POGLUT2: variants seen among roughly 807,000 people sequenced by gnomAD.
POGLUT2 encodes protein O-glucosyltransferase 2, also known as ER protein 58.
POGLUT2 carries 47 observed loss-of-function variants against 57.6 expected under a neutral mutation model. The observed-to-expected ratio is 0.82, with a 90% CI of 0.65 to 1.04. POGLUT2 has a LOEUF of 1.04. Among genes scored for constraint, POGLUT2 ranks in the 50% least tolerant of loss-of-function variants. The pLI, the probability that POGLUT2 is intolerant of heterozygous loss-of-function variation, is 0.00. For synonymous variants in POGLUT2, 200 were observed against 218.8 expected, an observed-to-expected ratio of 0.91 and a Z score of 0.76; for missense variants, 565 against 614.8, an observed-to-expected ratio of 0.92 and a Z score of 0.86.
intron 8 of POGLUT2, among the ~76,000 whole-genome samples, chr13:102,786,935 G>A (rs1039559703): frequency 6.6e-6 from 1 of 152,082 alleles, no homozygotes; most frequent in Non-Finnish European, 1.5e-5. Flanking sequence ...CTGTAGCAGA[G>A]CCTCAGATAT....
chr13:102,786,120 C>T (rs1165738720), intron 9 of POGLUT2, 112 bp downstream of exon 9: 12 of 710,024 alleles, frequency 1.7e-5, no homozygotes, highest in Non-Finnish European at 3.0e-5. Context: ...TTGGAGACCT[C>T]GAGAGGAACT....
At position 102,798,774 on chromosome 13, in the gene POGLUT2, A is replaced by C. The variant is rs925715098; in HGVS notation, c.-104T>G. ...CAGGGACCCGCCGGCCGATCGCAGC[A>C]GCCAACGCGACTGCAAAGGTTGCCG... On this transcript the variant is annotated 5_prime_UTR_variant, in exon 1 of 10. Transcript: ENST00000376004. 2.5e-6 allele frequency: 3 copies of C among 1,223,552 alleles called. No homozygotes were observed. The Admixed American group carries it at 8.6e-5, about 35-fold the overall frequency. The allele number at this position is 1,223,552 out of a possible 1,614,324, so 75.8% of individuals were successfully genotyped here.
intron 2 of POGLUT2, 113 bp downstream of exon 2, chr13:102,796,691 A>AT: frequency 2.0e-5 from 3 of 149,776 alleles, no homozygotes; most frequent in Non-Finnish European, 3.5e-5. Context: ...AGTAAAAAAA[A>AT]AAAAAAAAAT....
intron 2 of POGLUT2, among the ~76,000 whole-genome samples, chr13:102,794,813 G>A (rs1878310551): frequency 6.6e-6 from 1 of 152,048 alleles, no homozygotes; most frequent in Admixed American, 6.5e-5. Flanking sequence ...AAAGACAAAA[G>A]TGATATGATT....
In POGLUT2 at chr13:102,789,144, C is replaced by T. The variant is rs1878071057; in HGVS notation, c.1161G>A (p.Val387=). The T allele has an allele frequency of 1.2e-6, 2 of 1,614,068 alleles. No individual in the cohort carries two copies. Among genetic ancestry groups the T allele is most frequent in the Admixed American group, 1.7e-5 (1 of 60,002 alleles). Residue 387 remains valine (V), a synonymous_variant, in exon 7 of 10, where the codon GTG becomes GTA. Transcript: ENST00000376004. ...LPYLLVGDSV[V]LKQDSIYYEH... is the part of the protein sequence containing the mutation. Reference sequence around the variant, plus strand: ...CATAGTAGATGGAATCCTGCTTCAGCACAACACTGTCACCAACTAGCAAAT... The same window carrying T: ...CATAGTAGATGGAATCCTGCTTCAGTACAACACTGTCACCAACTAGCAAAT...
chr13:102,791,307 C>G lies in POGLUT2; in HGVS notation c.796G>C (p.Val266Leu). Residue 266 changes from valine to leucine, a missense_variant, in exon 5 of 10, where the codon GTG becomes CTG. Coordinates refer to ENST00000376004, the MANE Select transcript of POGLUT2 (RefSeq NM_024089.3). ...TCAGTCAAATCGTACGTAGGCATCA[C>G]GATATCCTTGGAATCTGTGGAGCCA... ...WCGSTDSKDI[V>L]MPTYDLTDSV... 6.2e-7 allele frequency: 1 copy of G among 1,610,320 alleles called. No individual in the cohort carries two copies. Among genetic ancestry groups the G allele is most frequent in the South Asian group, 1.1e-5 (1 of 90,202 alleles).
rs758912617 is a variant in POGLUT2, at chr13:102,798,510, G to T, written c.161C>A (p.Ala54Glu). 1 of 1,611,044 alleles carries T rather than the reference G, an allele frequency of 6.2e-7. No homozygotes were observed. Among genetic ancestry groups the T allele is most frequent in the Admixed American group, 1.7e-5 (1 of 59,680 alleles). ...VLPARYFYIQ[A>E]VDTSGNKFTS... ...TTACTTATTCCCTGATGTATCCACTGCCTGAATATAGAAATAGCGGGCGGG... is the reference window on the plus strand; with the variant it reads ...TTACTTATTCCCTGATGTATCCACTTCCTGAATATAGAAATAGCGGGCGGG... Residue 54 changes from alanine to glutamate, a missense_variant, in exon 1 of 10, where the codon GCA becomes GAA. Transcript: ENST00000376004.
Position 102,791,378 on chromosome 13 carries a change from T to C in POGLUT2, c.725A>G (p.Glu242Gly), listed in dbSNP as rs748272179. The C allele has an allele frequency of 3.1e-6, 5 of 1,611,288 alleles. No individual in the cohort carries two copies. In the East Asian group the frequency reaches 8.9e-5, roughly 29 times the overall value. The change falls in exon 5 of 10, where the codon GAA becomes GGA. Residue 242 changes from glutamate (E) to glycine (G), a missense_variant. Coordinates refer to ENST00000376004, the MANE Select transcript of POGLUT2 (RefSeq NM_024089.3). ...LFVNLGDWPL[E>G]KKKSNSNIHP... ...GATGTTTGAATTGGATTTCTTTTTT[T>C]CCAAAGGCCAGTCTCCCAAATTAAC... is the stretch of plus-strand genomic sequence containing the variant.
chr13:102,796,309 A>AAATAAATAAAT (rs1555319539), intron 2 of POGLUT2, among the ~76,000 whole-genome samples: 6 of 126,008 alleles, frequency 4.8e-5, no homozygotes, highest in East Asian at 2.4e-4. Context: ...AAAAAAAAAA[A>AAATAAATAAAT]AAATAAATAA....
intron 1 of POGLUT2, among the ~76,000 whole-genome samples, chr13:102,797,385 C>A (rs138201481): frequency 4.6e-5 from 7 of 152,256 alleles, no homozygotes; most frequent in African/African-American, 1.7e-4. Flanking sequence ...AGATAATGAT[C>A]TTATTTTGAA....
At position 102,796,936 on chromosome 13, in the gene POGLUT2, C is replaced by T. The variant is rs1486359015; in HGVS notation, c.256G>A (p.Gly86Arg). 6.2e-7 allele frequency: 1 copy of T among 1,613,602 alleles called. No homozygotes were observed. Among genetic ancestry groups the T allele is most frequent in the East Asian group, 2.2e-5 (1 of 44,866 alleles). ...TCTTTTCGGTCTAAAACCTGGACTC[C>T]AACTCTAGTGAATTGCTCCTCTGGT... is the stretch of plus-strand genomic sequence containing the variant. ...SAPEEQFTRV[G>R]VQVLDRKDGS... The change falls in exon 2 of 10, where the codon GGA (glycine) becomes AGA (arginine). Residue 86 changes from glycine to arginine, a missense_variant. By Grantham distance (125) the Gly-to-Arg change is moderately radical. Transcript: ENST00000376004.
In POGLUT2 at chr13:102,798,679, C is replaced by G; in HGVS notation, c.-9G>C. On this transcript the variant is annotated 5_prime_UTR_variant, in exon 1 of 10. Transcript: ENST00000376004. ...AGCAAAGTGCCAAACATTTACAAGACGGACTCTCGAAATGATCCACCGATA... is the reference window on the plus strand; with the variant it reads ...AGCAAAGTGCCAAACATTTACAAGAGGGACTCTCGAAATGATCCACCGATA... 6.3e-7 allele frequency: 1 copy of G among 1,576,274 alleles called. No individual in the cohort carries two copies. Among genetic ancestry groups the G allele is most frequent in the Non-Finnish European group, 8.6e-7 (1 of 1,158,958 alleles).
chr13:102,791,082 T>C lies in POGLUT2; in HGVS notation c.902A>G (p.Lys301Arg), dbSNP rs1595308917. 6.2e-7 allele frequency: 1 copy of C among 1,614,222 alleles called. No homozygotes were observed. Among genetic ancestry groups the C allele is most frequent in the African/African-American group, 1.3e-5 (1 of 75,056 alleles). The change falls in exon 6 of 10, where the codon AAA becomes AGA. Residue 301 changes from lysine to arginine, a missense_variant. Transcript: ENST00000376004. ...QANTGPPWES[K>R]NSTAVWRGRD... is the part of the protein sequence containing the mutation. ...CCCTCTCCAGACGGCAGTGGAATTT[T>C]TGCTTTCCCAGGGAGGACCCGTGTT...
chr13:102,787,873 C>A lies in POGLUT2; in HGVS notation c.1344G>T (p.Met448Ile). The A allele has an allele frequency of 1.3e-6, 2 of 1,594,876 alleles. No individual in the cohort carries two copies. The highest frequency in any genetic ancestry group is 1.7e-6 in the Non-Finnish European group (2 of 1,166,920). ...AGQEFARNNL[M>I]GDDIFCYYFK... ...AATAATAACAGAATATGTCATCGCC[C>A]ATGAGATTATTTCTTGCAAATTCTT... The change falls in exon 8 of 10, where the codon ATG becomes ATT. Residue 448 changes from methionine (M) to isoleucine (I), a missense_variant. Transcript: ENST00000376004.
In POGLUT2 at chr13:102,791,387, C is replaced by A. The variant is rs777882532; in HGVS notation, c.716G>T (p.Trp239Leu). The A allele has an allele frequency of 1.9e-6, 3 of 1,608,874 alleles. No homozygotes were observed. Among genetic ancestry groups the A allele is most frequent in the Non-Finnish European group, 2.5e-6 (3 of 1,178,780 alleles). Reference sequence around the variant, plus strand: ...ATTGGATTTCTTTTTTTCCAAAGGCCAGTCTCCCAAATTAACAAAGAGCTC... The same window carrying A: ...ATTGGATTTCTTTTTTTCCAAAGGCAAGTCTCCCAAATTAACAAAGAGCTC... ...DVELFVNLGD[W>L]PLEKKKSNSN... is the part of the protein sequence containing the mutation. Residue 239 changes from tryptophan (W) to leucine (L), a missense_variant, in exon 5 of 10, where the codon TGG becomes TTG. By Grantham distance (61) the Trp-to-Leu change is moderately conservative (BLOSUM62 -2). Transcript: ENST00000376004.
intron 8 of POGLUT2, among the ~76,000 whole-genome samples, chr13:102,787,466 CAAGA>C (rs1233996027): frequency 6.6e-6 from 1 of 152,182 alleles, no homozygotes; most frequent in Admixed American, 6.5e-5. Flanking sequence ...AGAGTCAAGA[CAAGA>C]GGCCCAAACA....
At chr13:102,784,879 C>T (rs533161105) in intron 9 of POGLUT2, among the ~76,000 whole-genome samples, 2 of 152,144 alleles carry the variant, frequency 1.3e-5, no homozygotes, top group Admixed American at 6.5e-5. Context: ...CTCTCAATCA[C>T]GTAGATGAAG....
In POGLUT2 at chr13:102,791,064, C is replaced by A; in HGVS notation, c.920G>T (p.Trp307Leu). Residue 307 changes from tryptophan (W) to leucine (L), a missense_variant, in exon 6 of 10, where the codon TGG becomes TTG. Trp to Leu is a moderately conservative substitution (Grantham distance 61). Transcript: ENST00000376004. Reference protein sequence around the residue: ...PWESKNSTAVWRGRDSRKERL... With the variant: ...PWESKNSTAVLRGRDSRKERL... ...CTCTTTGCGGCTGTCTCGCCCTCTCCAGACGGCAGTGGAATTTTTGCTTTC... is the reference window on the plus strand; with the variant it reads ...CTCTTTGCGGCTGTCTCGCCCTCTCAAGACGGCAGTGGAATTTTTGCTTTC... 1 of 1,614,186 alleles carries A rather than the reference C, an allele frequency of 6.2e-7. No individual in the cohort carries two copies. Among genetic ancestry groups the A allele is most frequent in the Non-Finnish European group, 8.5e-7 (1 of 1,180,026 alleles).
At position 102,791,420 on chromosome 13, in the gene POGLUT2, G is replaced by A. The variant is rs1478425071; in HGVS notation, c.683C>T (p.Pro228Leu). 9 of 1,587,876 alleles carry A rather than the reference G, an allele frequency of 5.7e-6. No individual in the cohort carries two copies. The highest frequency in any genetic ancestry group is 6.0e-6 in the Non-Finnish European group (7 of 1,172,562). ...LLSLTRKVKM[P>L]DVELFVNLGD... ...CAAATTAACAAAGAGCTCCACATCTGGCATCTTCACCTAGAAAAAACAAAA... is the reference window on the plus strand; with the variant it reads ...CAAATTAACAAAGAGCTCCACATCTAGCATCTTCACCTAGAAAAAACAAAA... The change falls in exon 5 of 10, where the codon CCA becomes CTA. Residue 228 changes from proline to leucine, a missense_variant. By Grantham distance (98) the Pro-to-Leu change is moderately conservative. Coordinates refer to ENST00000376004, the MANE Select transcript of POGLUT2 (RefSeq NM_024089.3).
Sources: gnomAD v4.1 joint callset for allele counts (sites outside exome capture counted in the v4.1 genomes callset) on GRCh38, gnomAD v4.1.1 for gene constraint, MANE v1.5 for transcripts, NCBI Gene and HGNC (gene_info 2026-07-23, HGNC 2026-07-21) for gene names.